The following RTN4R variants were observed in gnomAD, a reference collection of about 807,000 sequenced individuals.
The protein encoded by RTN4R is reticulon 4 receptor.
In RTN4R, 4 loss-of-function variants were observed where a neutral mutation model predicts 27.7. The observed-to-expected ratio is 0.14, with a 90% CI of 0.07 to 0.33. RTN4R has a LOEUF of 0.33. RTN4R is among the 10% of genes least tolerant of loss of function. RTN4R has a pLI of 1.00. For missense variants in RTN4R, 554 were observed against 671.5 expected, an observed-to-expected ratio of 0.83 and a Z score of 1.93; for synonymous variants, 290 against 305.6, an observed-to-expected ratio of 0.95 and a Z score of 0.53.
At chr22:20,243,324 T>A in intron 1 of RTN4R, 1 of 698,972 alleles carries the variant, frequency 1.4e-6, no homozygotes, top group Non-Finnish European at 2.6e-6. Flanking sequence ...CTTGGAGCCA[T>A]GCACTCCACC....
intron 1 of RTN4R, among the ~76,000 whole-genome samples, chr22:20,263,134 C>A (rs969147091): frequency 6.6e-6 from 1 of 152,230 alleles, no homozygotes; most frequent in Non-Finnish European, 1.5e-5. Flanking sequence ...ATTTGCACAT[C>A]GCCTCAAATT....
intron 1 of RTN4R, among the ~76,000 whole-genome samples, chr22:20,263,978 A>G (rs972098090): frequency 1.3e-4 from 20 of 151,834 alleles, no homozygotes; most frequent in African/African-American, 3.9e-4. Flanking sequence ...CCCAGACTCT[A>G]CTCACTCACC....
At chr22:20,264,950 C>T (rs1222608791) in intron 1 of RTN4R, among the ~76,000 whole-genome samples, 1 of 152,228 alleles carries the variant, frequency 6.6e-6, no homozygotes, top group Non-Finnish European at 1.5e-5. Context: ...CTGGCTCACA[C>T]ACGCATTTGT....
At chr22:20,262,648 C>T (rs562772177) in intron 1 of RTN4R, among the ~76,000 whole-genome samples, 3 of 152,342 alleles carry the variant, frequency 2.0e-5, no homozygotes, top group South Asian at 4.1e-4. Context: ...AGCCCCACAC[C>T]CCACACACTG....
At chr22:20,254,638 AGT>A (rs1484554172) in intron 1 of RTN4R, among the ~76,000 whole-genome samples, 1 of 151,874 alleles carries the variant, frequency 6.6e-6, no homozygotes, top group Non-Finnish European at 1.5e-5. Context: ...TTCTTTAGAG[AGT>A]GAGTCAGGCT....
intron 1 of RTN4R, among the ~76,000 whole-genome samples, chr22:20,250,855 G>GCACACACACACACACGCATGCA (rs2051172098): frequency 6.7e-6 from 1 of 150,320 alleles, no homozygotes; most frequent in Non-Finnish European, 1.5e-5. Context: ...ACACATGCAT[G>GCACACACACACACACGCATGCA]CACACACACA....
chr22:20,248,434 C>A (rs2051155035), intron 1 of RTN4R, among the ~76,000 whole-genome samples: 1 of 152,198 alleles, frequency 6.6e-6, no homozygotes, highest in South Asian at 2.1e-4. Flanking sequence ...AAGTCACAGA[C>A]ACTGAAGCTA....
chr22:20,253,038 G>A (rs1475606918), intron 1 of RTN4R, among the ~76,000 whole-genome samples: 1 of 152,148 alleles, frequency 6.6e-6, no homozygotes, highest in Non-Finnish European at 1.5e-5. Flanking sequence ...ACAGCTCACA[G>A]CGTCCCAGAG....
At position 20,268,107 on chromosome 22, in the gene RTN4R, G is replaced by T; in HGVS notation, c.-15C>A. On this transcript the variant is annotated 5_prime_UTR_variant, in exon 1 of 2. Transcript: ENST00000043402. Reference sequence around the variant, plus strand: ...GCCCTCTTCATCGTAGGGGTTGGGCGGGGCGCGTCGGGGACTGAAAGTCGT... The same window carrying T: ...GCCCTCTTCATCGTAGGGGTTGGGCTGGGCGCGTCGGGGACTGAAAGTCGT... 1 of 1,174,518 alleles carries T rather than the reference G, an allele frequency of 8.5e-7. No individual in the cohort carries two copies. The highest frequency in any genetic ancestry group is 1.1e-6 in the Non-Finnish European group (1 of 947,024). The allele number at this position is 1,174,518 out of a possible 1,614,324, so 72.8% of individuals were successfully genotyped here.
intron 1 of RTN4R, among the ~76,000 whole-genome samples, chr22:20,260,558 G>A (rs2051239727): frequency 1.3e-5 from 2 of 152,170 alleles, no homozygotes; most frequent in Admixed American, 1.3e-4. Flanking sequence ...CTCGACAGCC[G>A]TGCTGGTAGC....
rs12330011 is a variant in RTN4R, at chr22:20,268,258, C to G, written c.-166G>C. On this transcript the variant is annotated 5_prime_UTR_variant, in exon 1 of 2. Transcript: ENST00000043402. ...CGCTCCGCCCGGCTCTGGCTGGGCT[C>G]GGGCCGCGGGTGCGCAGGGCGCGCA... is the stretch of plus-strand genomic sequence containing the variant. 17 of 39,214 alleles carry G rather than the reference C, an allele frequency of 4.3e-4. No homozygotes were observed. Among genetic ancestry groups the G allele is most frequent in the African/African-American group, 2.3e-3 (17 of 7,256 alleles). 2.4% of individuals were successfully genotyped at this position (39,214 alleles called of 1,614,324 possible). A position where few individuals can be genotyped will look rare whatever the true frequency, so the allele number is the denominator to read the frequency against.
intron 1 of RTN4R, among the ~76,000 whole-genome samples, chr22:20,253,967 A>C (rs1382902115): frequency 6.6e-6 from 1 of 152,202 alleles, no homozygotes; most frequent in African/African-American, 2.4e-5. Context: ...ATCCAAGGGG[A>C]GTTCCAGAAG....
chr22:20,243,795 C>T, intron 1 of RTN4R: 1 of 298,550 alleles, frequency 3.3e-6, no homozygotes. Context: ...TCCTCCCCAG[C>T]CAACCCCTGC....
Position 20,242,676 on chromosome 22 carries a change from G to C in RTN4R, c.457C>G (p.Leu153Val). 1 of 1,612,586 alleles carries C rather than the reference G, an allele frequency of 6.2e-7. No homozygotes were observed. Among genetic ancestry groups the C allele is most frequent in the Non-Finnish European group, 8.5e-7 (1 of 1,179,740 alleles). ...AGGTAGAGGTACTGCAGGGCAGCCA[G>C]GCCGCGGAACAGCCCCGGGCCCAGC... ...QELGPGLFRG[L>V]AALQYLYLQD... is the part of the protein sequence containing the mutation. Residue 153 changes from leucine (L) to valine (V), a missense_variant, in exon 2 of 2, where the codon CTG becomes GTG. By Grantham distance (32) the Leu-to-Val change is conservative (BLOSUM62 1). Transcript: ENST00000043402.
At chr22:20,258,840 G>T (rs1413117545) in intron 1 of RTN4R, among the ~76,000 whole-genome samples, 1 of 152,232 alleles carries the variant, frequency 6.6e-6, no homozygotes, top group Non-Finnish European at 1.5e-5. Context: ...TTCAGGTGGG[G>T]TGGTTGGGGT....
chr22:20,241,758 G>T lies in RTN4R; in HGVS notation c.1375C>A (p.Pro459Thr). 5 of 1,552,870 alleles carry T rather than the reference G, an allele frequency of 3.2e-6. No homozygotes were observed. The highest frequency in any genetic ancestry group is 4.4e-6 in the Non-Finnish European group (5 of 1,148,254). Residue 459 changes from proline to threonine, a missense_variant, in exon 2 of 2, where the codon CCC becomes ACC. Physicochemically the swap from Pro to Thr is conservative, Grantham distance 38 (BLOSUM62 -1). Transcript: ENST00000043402. Reference sequence around the variant, plus strand: ...CACAGCACCAGCGCCAGGCCCAGGGGGGTGAGGCTGCAGGTGAGGCTGGGT... The same window carrying T: ...CACAGCACCAGCGCCAGGCCCAGGGTGGTGAGGCTGCAGGTGAGGCTGGGT... ...ALPSLTCSLT[P>T]LGLALVLWTV...
At chr22:20,256,272 C>T (rs974387447) in intron 1 of RTN4R, among the ~76,000 whole-genome samples, 2 of 152,212 alleles carry the variant, frequency 1.3e-5, no homozygotes, top group African/African-American at 4.8e-5. Flanking sequence ...AGTCCAAGGC[C>T]ACACTGGGCG....
intron 1 of RTN4R, among the ~76,000 whole-genome samples, chr22:20,264,966 T>C (rs2051268963): frequency 6.6e-6 from 1 of 152,196 alleles, no homozygotes; most frequent in Admixed American, 6.5e-5. Context: ...TTTGTTCATT[T>C]CCAGGTCATC....
chr22:20,251,342 G>A (rs1481212139), intron 1 of RTN4R, among the ~76,000 whole-genome samples: 13 of 152,140 alleles, frequency 8.5e-5, no homozygotes, highest in Admixed American at 7.9e-4. Context: ...AACAAGAGAG[G>A]AAAGGGAGTG....
Sources: gnomAD v4.1 joint callset for allele counts (sites outside exome capture counted in the v4.1 genomes callset) on GRCh38, gnomAD v4.1.1 for gene constraint, MANE v1.5 for transcripts, NCBI Gene and HGNC (gene_info 2026-07-23, HGNC 2026-07-21) for gene names.